Variants in NIPAL3 observed in about 807,000 individuals in gnomAD.
NIPAL3 encodes the protein NIPA like domain containing 3.
NIPAL3 carries 41 observed loss-of-function variants against 47.2 expected under a neutral mutation model. The observed-to-expected ratio is 0.87, with a 90% CI of 0.68 to 1.13. NIPAL3 has a LOEUF of 1.13. NIPAL3 is among the 50% of genes most tolerant of loss of function. NIPAL3 has a pLI of 0.00. For synonymous variants in NIPAL3, 194 were observed against 209.6 expected, an observed-to-expected ratio of 0.93 and a Z score of 0.64; for missense variants, 449 against 530.1, an observed-to-expected ratio of 0.85 and a Z score of 1.50.
At chr1:24,426,240 G>A in intron 2 of NIPAL3, among the ~76,000 whole-genome samples, 1 of 151,808 alleles carries the variant, frequency 6.6e-6, no homozygotes, top group African/African-American at 2.4e-5. Context: ...GTCCCGGTTT[G>A]TGCCTTATGC....
At chr1:24,452,716 A>G (rs952942948) in intron 6 of NIPAL3, among the ~76,000 whole-genome samples, 39 of 151,756 alleles carry the variant, frequency 2.6e-4, no homozygotes, top group African/African-American at 8.7e-4. Flanking sequence ...TTCTTTATTT[A>G]TGTATTTATT....
Position 24,419,619 on chromosome 1 carries a change from C to G in NIPAL3, c.72C>G (p.Ser24Arg), listed in dbSNP as rs750435540. ...LPPTSSSSAV[S>R]EASFSYKENL... ...CCACAAGTAGCTCCAGCGCCGTAAG[C>G]GAGGCCTCCTTCTCCTACAAGGCAA... The change falls in exon 2 of 12, where the codon AGC (serine) becomes AGG (arginine). Residue 24 changes from serine to arginine, a missense_variant. Coordinates refer to ENST00000374399, the MANE Select transcript of NIPAL3 (RefSeq NM_020448.5). 6.2e-7 allele frequency: 1 copy of G among 1,614,030 alleles called. No individual in the cohort carries two copies. The highest frequency in any genetic ancestry group is 8.5e-7 in the Non-Finnish European group (1 of 1,179,938).
intron 7 of NIPAL3, among the ~76,000 whole-genome samples, chr1:24,455,365 G>A (rs532791983): frequency 6.6e-6 from 1 of 152,306 alleles, no homozygotes; most frequent in African/African-American, 2.4e-5. Context: ...TTTTTTCTCT[G>A]CCTTTTAAAT....
intron 9 of NIPAL3, among the ~76,000 whole-genome samples, chr1:24,459,672 G>T (rs1489916537): frequency 6.6e-6 from 1 of 152,248 alleles, no homozygotes; most frequent in Non-Finnish European, 1.5e-5. Context: ...GTCTACACAG[G>T]AGGAACACAC....
chr1:24,461,307 C>T (rs544389987), intron 10 of NIPAL3, among the ~76,000 whole-genome samples: 4 of 151,868 alleles, frequency 2.6e-5, no homozygotes, highest in East Asian at 1.9e-4. Flanking sequence ...TTTGGAAGGC[C>T]GAGGCAGGTG....
chr1:24,422,306 C>T (rs972169390), intron 2 of NIPAL3, among the ~76,000 whole-genome samples: 1 of 152,128 alleles, frequency 6.6e-6, no homozygotes, highest in Non-Finnish European at 1.5e-5. Flanking sequence ...AGACTGAGAA[C>T]TGGGAGACCT....
In NIPAL3 at chr1:24,419,435, G is replaced by A. The variant is rs1644209890; in HGVS notation, c.-113G>A. On this transcript the variant is annotated 5_prime_UTR_variant, in exon 2 of 12. Coordinates refer to ENST00000374399, the MANE Select transcript of NIPAL3 (RefSeq NM_020448.5). Reference sequence around the variant, plus strand: ...TATTCTTTTGTCATGAGGAAGTGACGGCTGCTGGAGGGAGGTGAACACCAC... The same window carrying A: ...TATTCTTTTGTCATGAGGAAGTGACAGCTGCTGGAGGGAGGTGAACACCAC... 5.8e-6 allele frequency: 8 copies of A among 1,375,518 alleles called. No individual in the cohort carries two copies. Among genetic ancestry groups the A allele is most frequent in the South Asian group, 1.7e-5 (1 of 57,206 alleles). 85.2% of individuals were successfully genotyped at this position (1,375,518 alleles called of 1,614,324 possible). A position where few individuals can be genotyped will look rare whatever the true frequency, so the allele number is the denominator to read the frequency against.
intron 2 of NIPAL3, 117 bp downstream of exon 2, chr1:24,419,757 G>A: frequency 3.4e-6 from 3 of 881,796 alleles, no homozygotes; most frequent in Non-Finnish European, 5.4e-6. Flanking sequence ...GGTAGAAACA[G>A]GCAGGCTCTT....
At chr1:24,446,037 T>C (rs986265804) in intron 5 of NIPAL3, among the ~76,000 whole-genome samples, 2 of 146,362 alleles carry the variant, frequency 1.4e-5, no homozygotes, top group African/African-American at 2.5e-5. Context: ...AGCAGTAGGA[T>C]AGATGGGGCT....
intron 8 of NIPAL3, among the ~76,000 whole-genome samples, chr1:24,456,829 C>T (rs529584750): frequency 1.3e-5 from 2 of 152,294 alleles, no homozygotes; most frequent in East Asian, 3.9e-4. Context: ...GTAGAGCCAT[C>T]TCGGCTCACT....
At chr1:24,430,244 T>C (rs1291152585) in intron 2 of NIPAL3, among the ~76,000 whole-genome samples, 2 of 151,618 alleles carry the variant, frequency 1.3e-5, no homozygotes, top group Non-Finnish European at 2.9e-5. Context: ...TCTTTTTTTT[T>C]TTTTTCCTTT....
chr1:24,425,933 T>C (rs1261379217), intron 2 of NIPAL3, among the ~76,000 whole-genome samples: 1 of 152,198 alleles, frequency 6.6e-6, no homozygotes, highest in Non-Finnish European at 1.5e-5. Context: ...ATAGGTCCTT[T>C]AGCCACCCTT....
chr1:24,436,925 A>G (rs879804852), intron 2 of NIPAL3, among the ~76,000 whole-genome samples: 4 of 152,206 alleles, frequency 2.6e-5, no homozygotes, highest in Non-Finnish European at 5.9e-5. Flanking sequence ...ATGGAAAGTT[A>G]TAAAATAATT....
rs188253587 is a variant in NIPAL3 at position 24,471,906 on chromosome 1, C to T, written c.*2721C>T. The T allele has an allele frequency of 6.6e-6, 1 of 151,916 alleles. No individual in the cohort carries two copies. Among genetic ancestry groups the T allele is most frequent in the East Asian group, 1.9e-4 (1 of 5,166 alleles). The allele number at this position is 151,916 out of a possible 1,614,324, so 9.4% of individuals were successfully genotyped here. A position where few individuals can be genotyped will look rare whatever the true frequency, so the allele number is the denominator to read the frequency against. On this transcript the variant is annotated 3_prime_UTR_variant, in exon 12 of 12. Transcript: ENST00000374399. Reference sequence around the variant, plus strand: ...TGGGAGTGGAGGCAGGAGGGAGAAACAGAAGGTGAGCAGGGAGGCTATTTA... The same window carrying T: ...TGGGAGTGGAGGCAGGAGGGAGAAATAGAAGGTGAGCAGGGAGGCTATTTA...
At chr1:24,452,466 G>A (rs1376283712) in intron 6 of NIPAL3, among the ~76,000 whole-genome samples, 1 of 152,152 alleles carries the variant, frequency 6.6e-6, no homozygotes, top group African/African-American at 2.4e-5. Flanking sequence ...GGCGTACAAG[G>A]AGACGTCATT....
intron 2 of NIPAL3, 149 bp from the exon 3 acceptor site, chr1:24,440,023 T>G: frequency 2.1e-6 from 1 of 485,220 alleles, no homozygotes; most frequent in Non-Finnish European, 3.6e-6. Context: ...AGTAGTAACA[T>G]TCCAGTTGTG....
At chr1:24,468,931 G>A in intron 11 of NIPAL3, 55 bp from the exon 12 acceptor site, 1 of 1,535,478 alleles carries the variant, frequency 6.5e-7, no homozygotes, top group Non-Finnish European at 9.0e-7. Context: ...GGGAGATGCG[G>A]CCTCCTTGGC....
intron 2 of NIPAL3, among the ~76,000 whole-genome samples, chr1:24,425,867 C>T (rs955459990): frequency 1.3e-5 from 2 of 152,186 alleles, no homozygotes; most frequent in Admixed American, 6.5e-5. Context: ...AGCCTTCCAG[C>T]GCAAGTGTCA....
intron 2 of NIPAL3, among the ~76,000 whole-genome samples, chr1:24,426,429 G>A (rs1570203287): frequency 6.6e-6 from 1 of 152,182 alleles, no homozygotes; most frequent in Middle Eastern, 3.4e-3. Context: ...CGGGTAGCTG[G>A]GATTACAGGC....
Sources: gnomAD v4.1 joint callset for allele counts (sites outside exome capture counted in the v4.1 genomes callset) on GRCh38, gnomAD v4.1.1 for gene constraint, MANE v1.5 for transcripts, NCBI Gene and HGNC (gene_info 2026-07-23, HGNC 2026-07-21) for gene names.